The following MAGEC3 variants were observed in gnomAD, a reference collection of about 807,000 sequenced individuals.
MAGEC3 encodes MAGE family member C3.
In MAGEC3, 34 loss-of-function variants were observed where a neutral mutation model predicts 35.3. The ratio of observed to expected loss-of-function variants is 0.96; its 90% CI spans 0.73 to 1.28. MAGEC3 has a LOEUF of 1.28. Among genes scored for constraint, MAGEC3 ranks in the 50% most tolerant of loss-of-function variants. The pLI is 0.00. For synonymous variants in MAGEC3, 202 were observed against 185.6 expected (o/e 1.09, Z -0.72); for missense variants, 561 against 483.6 (o/e 1.16, Z -1.50).
chrX:141,892,158 C>T (rs764527340), intron 4 of MAGEC3, among the ~76,000 whole-genome samples: 17 of 111,275 alleles, frequency 1.5e-4, no homozygotes, highest in East Asian at 5.7e-4. Context: ...AATATATTTC[C>T]GTTGTTTATG....
At position 141,881,797 on chromosome X, in the gene MAGEC3, G is replaced by A. The variant is rs759499415; in HGVS notation, c.909+1G>A. Reference sequence around the variant, plus strand: ...CTGGGAAGTGCTGAATGCAATAGGGGTGTGTGCTCAGAGGGAGCATTTCGT... The same window carrying A: ...CTGGGAAGTGCTGAATGCAATAGGGATGTGTGCTCAGAGGGAGCATTTCGT... On this transcript the variant is annotated splice_donor_variant, in intron 4 of 7. Transcript: ENST00000298296. LOFTEE classifies it high-confidence loss of function. The A allele has an allele frequency of 3.3e-6, 4 of 1,211,457 alleles. No homozygotes were observed. Among genetic ancestry groups the A allele is most frequent in the Non-Finnish European group, 4.5e-6 (4 of 895,377 alleles).
At chrX:141,862,236 T>C (rs539144548) in intron 1 of MAGEC3, among the ~76,000 whole-genome samples, 19 of 111,707 alleles carry the variant, frequency 1.7e-4, no homozygotes, top group Middle Eastern at 4.6e-3. Flanking sequence ...CAATGAGATA[T>C]TATCTTACCA....
Position 141,890,157 on chromosome X carries a change from C to A in MAGEC3, c.910-5112C>A. ...ACTCCCCTTAATATGTACATCTGTC[C>A]TATTAGTTCTGTCCCTCTAGAGAAC... On this transcript the variant is annotated intron_variant, in intron 4 of 7. Coordinates refer to ENST00000298296, the MANE Select transcript of MAGEC3 (RefSeq NM_138702.1). Among the ~76,000 whole-genome samples the A allele has an allele frequency of 3.6e-5, 4 of 111,084 alleles. 1 individual carries two copies. In the Middle Eastern group the frequency reaches 0.019, roughly 529 times the overall value.
rs531931606 is a variant in MAGEC3, at chrX:141,896,719, G to C, written c.1124-163G>C. On this transcript the variant is annotated intron_variant, in intron 6 of 7. Coordinates refer to ENST00000298296, the MANE Select transcript of MAGEC3 (RefSeq NM_138702.1). ...AGACTTCCAGAACCCGAGTGTGACAGAGGACTTGGTAGATGCACAGGATTC... is the reference window on the plus strand; with the variant it reads ...AGACTTCCAGAACCCGAGTGTGACACAGGACTTGGTAGATGCACAGGATTC... The C allele has an allele frequency of 3.1e-5, 37 of 1,211,920 alleles. 1 individual carries two copies. In the African/African-American group the frequency reaches 3.1e-4, roughly 10 times the overall value.
chrX:141,870,449 A>C (rs904027805), intron 2 of MAGEC3, among the ~76,000 whole-genome samples: 2 of 111,387 alleles, frequency 1.8e-5, no homozygotes, highest in African/African-American at 3.3e-5. Context: ...CAGAAAAAAA[A>C]CCCATATAAT....
intron 6 of MAGEC3, among the ~76,000 whole-genome samples, chrX:141,895,890 A>G (rs2124131268): frequency 9.0e-6 from 1 of 111,108 alleles, no homozygotes; most frequent in South Asian, 3.9e-4. Flanking sequence ...ATCAGAACAG[A>G]CGTGAGGCCA....
intron 1 of MAGEC3, among the ~76,000 whole-genome samples, chrX:141,857,157 C>A (rs2017785927): frequency 9.2e-6 from 1 of 109,046 alleles, no homozygotes; most frequent in Admixed American, 9.9e-5. Flanking sequence ...AACTCTTGGA[C>A]TAAATAATTA....
chrX:141,857,631 T>G (rs1234799869), intron 1 of MAGEC3, among the ~76,000 whole-genome samples: 1 of 110,926 alleles, frequency 9.0e-6, no homozygotes, highest in Non-Finnish European at 1.9e-5. Context: ...CTTGGATCCT[T>G]GCTGATCTTA....
At chrX:141,893,084 A>G (rs1304828927) in intron 4 of MAGEC3, among the ~76,000 whole-genome samples, 1 of 112,064 alleles carries the variant, frequency 8.9e-6, no homozygotes, top group Non-Finnish European at 1.9e-5. Context: ...AAATGAGCAT[A>G]TTAAAGAGTT....
chrX:141,888,306 T>C (rs1448319475), intron 4 of MAGEC3, among the ~76,000 whole-genome samples: 1 of 112,153 alleles, frequency 8.9e-6, no homozygotes, highest in East Asian at 2.8e-4. Flanking sequence ...AGGACAGTGG[T>C]GAAGGGACTT....
intron 3 of MAGEC3, among the ~76,000 whole-genome samples, chrX:141,879,710 G>A (rs2017947857): frequency 9.0e-6 from 1 of 110,612 alleles, no homozygotes; most frequent in African/African-American, 3.3e-5. Context: ...AGGCTTAATT[G>A]AGATCAGCAG....
chrX:141,897,020 C>T lies in MAGEC3; in HGVS notation c.1262C>T (p.Ser421Phe), dbSNP rs1187310071. 1 of 1,211,043 alleles carries T rather than the reference C, an allele frequency of 8.3e-7. No homozygotes were observed. Among genetic ancestry groups the T allele is most frequent in the Middle Eastern group, 2.3e-4 (1 of 4,330 alleles). Reference protein sequence around the residue: ...PPQSPLDSCSSPLLWTRLDEE... With the variant: ...PPQSPLDSCSFPLLWTRLDEE... ...CAGAGTCCTCTAGACTCCTGCTCAT[C>T]CCCTCTTTTGTGGACCCGATTGGAT... Residue 421 changes from serine (S) to phenylalanine (F), a missense_variant, in exon 7 of 8, where the codon TCC becomes TTC. Coordinates refer to ENST00000298296, the MANE Select transcript of MAGEC3 (RefSeq NM_138702.1).
intron 2 of MAGEC3, among the ~76,000 whole-genome samples, chrX:141,870,572 CT>C (rs1424642415): frequency 9.0e-6 from 1 of 111,287 alleles, no homozygotes; most frequent in Non-Finnish European, 1.9e-5. Flanking sequence ...AATTTTAAGA[CT>C]TTTTTATTCT....
rs917163141 is a variant in MAGEC3 at position 141,866,453 on chromosome X, A to G, written c.258+848A>G. Reference sequence around the variant, plus strand: ...TTGTCAAAAAGTAGAAAAACAAACAATATCAAGTGCTGATGACAATGTGAA... The same window carrying G: ...TTGTCAAAAAGTAGAAAAACAAACAGTATCAAGTGCTGATGACAATGTGAA... On this transcript the variant is annotated intron_variant, in intron 2 of 7. Transcript: ENST00000298296. Among the ~76,000 whole-genome samples the G allele has an allele frequency of 8.0e-5, 9 of 112,364 alleles. No individual in the cohort carries two copies. The Admixed American group carries it at 8.5e-4, about 11-fold the overall frequency.
chrX:141,871,148 G>A (rs757970263), intron 2 of MAGEC3, among the ~76,000 whole-genome samples: 5 of 110,939 alleles, frequency 4.5e-5, no homozygotes, highest in African/African-American at 1.6e-4. Flanking sequence ...ATAACCACAC[G>A]GGCAACAGAA....
chrX:141,861,656 A>T (rs1051420499), intron 1 of MAGEC3, among the ~76,000 whole-genome samples: 1 of 112,010 alleles, frequency 8.9e-6, no homozygotes, highest in South Asian at 3.7e-4. Context: ...CAACAAAGCC[A>T]TCAAGAACAT....
At chrX:141,869,303 A>G (rs1272386393) in intron 2 of MAGEC3, among the ~76,000 whole-genome samples, 2 of 111,923 alleles carry the variant, frequency 1.8e-5, no homozygotes, top group East Asian at 5.6e-4. Flanking sequence ...GTGCTTATGC[A>G]AACAACTATA....
chrX:141,874,795 A>G (rs984569566), intron 2 of MAGEC3, among the ~76,000 whole-genome samples: 1 of 89,054 alleles, frequency 1.1e-5, no homozygotes, highest in Non-Finnish European at 2.2e-5. Context: ...GTATTATTCT[A>G]TGCATTTTAA....
At chrX:141,874,392 T>A (rs184687636) in intron 2 of MAGEC3, among the ~76,000 whole-genome samples, 117 of 111,104 alleles carry the variant, frequency 1.1e-3, no homozygotes, top group African/African-American at 3.8e-3. Flanking sequence ...AATGAAAAAA[T>A]TCTGTTAAGA....
Sources: allele counts gnomAD v4.1 joint callset (sites outside exome capture counted in the v4.1 genomes callset), GRCh38; gene constraint gnomAD v4.1.1; transcripts MANE v1.5; gene names NCBI Gene and HGNC (gene_info 2026-07-23, HGNC 2026-07-21).